The following USP10 variants were observed in gnomAD, a reference collection of about 807,000 sequenced individuals.
The protein encoded by USP10 is ubiquitin carboxyl-terminal hydrolase 10.
A neutral mutation model predicts 84.5 loss-of-function variants in USP10; 22 were observed. The observed-to-expected ratio is 0.26, with a 90% CI of 0.19 to 0.37. The LOEUF (loss-of-function observed/expected upper bound fraction) is 0.37. Among genes scored for constraint, USP10 ranks in the 10% least tolerant of loss-of-function variants. The pLI is 1.00. For synonymous variants in USP10, 454 were observed against 387.6 expected, an observed-to-expected ratio of 1.17 and a Z score of -2.01; for missense variants, 1,019 against 998.9, an observed-to-expected ratio of 1.02 and a Z score of -0.27.
chr16:84,735,093 C>T (rs910195564), intron 2 of USP10, among the ~76,000 whole-genome samples: 5 of 151,786 alleles, frequency 3.3e-5, no homozygotes, highest in Non-Finnish European at 5.9e-5. Flanking sequence ...AGAGTGCAAT[C>T]ACAATTCACT....
Position 84,768,328 on chromosome 16 carries a change from C to T in USP10, c.1968C>T (p.Val656=). The stretch of plus-strand genomic sequence containing the variant: ...AGAGCTTGGTGGCAAGAGAATCTGT[C>T]CAAGGTTATACCACAAAAACCAAAC... The part of the protein sequence containing the change: ...ALESLVARES[V]QGYTTKTKQE... The change falls in exon 11 of 14, where the codon GTC becomes GTT. Residue 656 remains valine, a synonymous_variant. Transcript: ENST00000219473. The T allele has an allele frequency of 6.2e-7, 1 of 1,608,826 alleles. No homozygotes were observed. The highest frequency in any genetic ancestry group is 8.5e-7 in the Non-Finnish European group (1 of 1,177,294).
intron 13 of USP10, 73 bp downstream of exon 13, chr16:84,775,298 G>A (rs1914886462): frequency 5.4e-6 from 8 of 1,476,018 alleles, no homozygotes; most frequent in Middle Eastern, 1.7e-4. Context: ...GCACAGGTTT[G>A]CTGCAACTTA....
intron 1 of USP10, among the ~76,000 whole-genome samples, chr16:84,708,602 A>G (rs1905859522): frequency 6.6e-6 from 1 of 152,112 alleles, no homozygotes; most frequent in South Asian, 2.1e-4. Context: ...ATTCACCTGA[A>G]TTTTTCTCCA....
intron 4 of USP10, among the ~76,000 whole-genome samples, chr16:84,757,801 TAGTC>T (rs1011891924): frequency 2.6e-5 from 4 of 152,296 alleles, no homozygotes; most frequent in East Asian, 1.9e-4. Flanking sequence ...ACAGGTGAGT[TAGTC>T]AGTCTTTGGG....
chr16:84,742,000 CAAG>C (rs1910682230), intron 3 of USP10, among the ~76,000 whole-genome samples: 1 of 152,232 alleles, frequency 6.6e-6, no homozygotes, highest in South Asian at 2.1e-4. Flanking sequence ...CCAGCTGCAG[CAAG>C]CCCTTTGCAG....
At chr16:84,733,159 G>A (rs1206606903) in intron 1 of USP10, 1 of 518,904 alleles carries the variant, frequency 1.9e-6, no homozygotes, top group South Asian at 1.6e-5. Context: ...CCTGCAAGCA[G>A]GACTCGACAA....
intron 1 of USP10, among the ~76,000 whole-genome samples, chr16:84,705,114 G>A (rs1018137006): frequency 2.0e-5 from 3 of 152,172 alleles, no homozygotes; most frequent in African/African-American, 7.2e-5. Context: ...GTATTAGCTG[G>A]AGGGACATCT....
At chr16:84,737,405 C>G (rs1161643095) in intron 2 of USP10, among the ~76,000 whole-genome samples, 2 of 152,182 alleles carry the variant, frequency 1.3e-5, no homozygotes, top group African/African-American at 4.8e-5. Flanking sequence ...TCGAACCATC[C>G]TGGCACTTTT....
intron 2 of USP10, among the ~76,000 whole-genome samples, chr16:84,737,206 A>G (rs553886430): frequency 1.3e-5 from 2 of 152,370 alleles, no homozygotes; most frequent in South Asian, 4.1e-4. Flanking sequence ...ACCTTCCTAT[A>G]GCCACGGGCC....
intron 2 of USP10, among the ~76,000 whole-genome samples, chr16:84,739,148 T>G (rs1163488588): frequency 7.2e-6 from 1 of 139,682 alleles, no homozygotes; most frequent in Admixed American, 7.3e-5. Context: ...AAGCTCCGCC[T>G]CCCGGGTTCA....
chr16:84,775,128 G>T, intron 12 of USP10, 32 bp from the exon 13 acceptor site: 1 of 1,604,452 alleles, frequency 6.2e-7, no homozygotes, highest in Non-Finnish European at 8.5e-7. Flanking sequence ...CTTTCTAAAA[G>T]TGCTTCAAGC....
At chr16:84,738,008 G>T (rs1337422344) in intron 2 of USP10, among the ~76,000 whole-genome samples, 3 of 152,258 alleles carry the variant, frequency 2.0e-5, no homozygotes, top group Non-Finnish European at 2.9e-5. Context: ...GAGTGGCTGG[G>T]AGTTGAGTGA....
rs111870658 is a variant in USP10, at chr16:84,763,148, A to G, written c.1654+60A>G. On this transcript the variant is annotated intron_variant, in intron 9 of 13. Transcript: ENST00000219473. ...AGAGTTCGCTGTAAACAGGTGTTGC[A>G]TACTCATATGTTATGTTGCTTCCCT... is the stretch of plus-strand genomic sequence containing the variant. The G allele has an allele frequency of 2.2e-3, 2,356 of 1,071,418 alleles. 37 individuals carry two copies. The African/African-American group carries it at 0.032, about 15-fold the overall frequency. 66.4% of individuals were successfully genotyped at this position (1,071,418 alleles called of 1,614,324 possible).
At chr16:84,726,767 C>T (rs1310947552) in intron 1 of USP10, among the ~76,000 whole-genome samples, 1 of 152,244 alleles carries the variant, frequency 6.6e-6, no homozygotes, top group Admixed American at 6.5e-5. Flanking sequence ...CACAGTCTTA[C>T]TTCCCCTAAA....
chr16:84,747,776 A>C (rs1464875709), intron 4 of USP10, among the ~76,000 whole-genome samples: 1 of 151,842 alleles, frequency 6.6e-6, no homozygotes, highest in East Asian at 1.9e-4. Flanking sequence ...CATGCTGCCC[A>C]GGCTGGCCTC....
chr16:84,741,039 C>G (rs1214168750), intron 3 of USP10, among the ~76,000 whole-genome samples: 1 of 152,248 alleles, frequency 6.6e-6, no homozygotes, highest in African/African-American at 2.4e-5. Flanking sequence ...CAATCTGAAT[C>G]ACTTTAAAGG....
intron 1 of USP10, among the ~76,000 whole-genome samples, chr16:84,701,934 CTTCTTTTTTTTT>C (rs955439194): frequency 0.015 from 1,360 of 92,696 alleles, 49 homozygotes; most frequent in African/African-American, 0.058. Context: ...TAATTTTCTT[CTTCTTTTTTTTT>C]TTTTTTTTGA....
chr16:84,710,323 C>T (rs1906113535), intron 1 of USP10, among the ~76,000 whole-genome samples: 1 of 151,150 alleles, frequency 6.6e-6, no homozygotes, highest in African/African-American at 2.4e-5. Flanking sequence ...AGGGGTCTTA[C>T]TTAGATGCTT....
intron 12 of USP10, among the ~76,000 whole-genome samples, chr16:84,774,496 T>C (rs1004270028): frequency 8.5e-4 from 9 of 10,552 alleles, no homozygotes; most frequent in African/African-American, 1.6e-3. Flanking sequence ...TGTTTGTTTT[T>C]TTCTTGCTCT....
Sources: allele counts gnomAD v4.1 joint callset (sites outside exome capture counted in the v4.1 genomes callset), GRCh38; gene constraint gnomAD v4.1.1; transcripts MANE v1.5; gene names NCBI Gene and HGNC (gene_info 2026-07-23, HGNC 2026-07-21).